The following MAN1C1 variants were observed in gnomAD, a reference collection of about 807,000 sequenced individuals.
MAN1C1 encodes mannosidase alpha class 1C member 1.
MAN1C1 carries 49 observed loss-of-function variants against 71.5 expected under a neutral mutation model. The observed-to-expected ratio is 0.69, with a 90% CI of 0.54 to 0.87. MAN1C1 has a LOEUF of 0.87. Ranked by LOEUF, MAN1C1 falls within the 40% of genes least tolerant of loss-of-function variation. MAN1C1 has a pLI of 0.00. For missense variants in MAN1C1, 743 were observed against 835.0 expected, an observed-to-expected ratio of 0.89 and a Z score of 1.36; for synonymous variants, 352 against 343.7, an observed-to-expected ratio of 1.02 and a Z score of -0.27.
chr1:25,689,689 T>C (rs917877452), intron 2 of MAN1C1, among the ~76,000 whole-genome samples: 1 of 152,164 alleles, frequency 6.6e-6, no homozygotes, highest in Admixed American at 6.5e-5. Context: ...TCTGGACTCA[T>C]GGGGGCTGCT....
intron 4 of MAN1C1, 46 bp downstream of exon 4, chr1:25,749,381 G>C (rs1460496745): frequency 1.0e-5 from 15 of 1,474,162 alleles, no homozygotes; most frequent in Non-Finnish European, 1.4e-5. Context: ...GCTGGAAAGG[G>C]CTTTGGAGAA....
rs546481038 is a variant in MAN1C1, at chr1:25,732,020, C to T, written c.638-14648C>T. On this transcript the variant is annotated intron_variant, in intron 2 of 11. Coordinates refer to ENST00000374332, the MANE Select transcript of MAN1C1 (RefSeq NM_020379.4). The stretch of plus-strand genomic sequence containing the variant: ...TCAGAGAAAAAGACCAACTCAGACC[C>T]TCCTATGAGTGAGCCTGGGCCAGGG... 5.0e-4 allele frequency among the ~76,000 whole-genome samples: 76 copies of T among 152,296 alleles called. No homozygotes were observed. In the Middle Eastern group the frequency reaches 0.034, roughly 68 times the overall value.
At chr1:25,624,371 G>C (rs1165843283) in intron 1 of MAN1C1, among the ~76,000 whole-genome samples, 2 of 151,818 alleles carry the variant, frequency 1.3e-5, no homozygotes, top group African/African-American at 4.9e-5. Flanking sequence ...AGAGACCACA[G>C]CCTCAGTGTG....
intron 1 of MAN1C1, among the ~76,000 whole-genome samples, chr1:25,639,516 C>T (rs1380990916): frequency 1.3e-5 from 2 of 152,158 alleles, no homozygotes; most frequent in Non-Finnish European, 2.9e-5. Context: ...TCAGCTGTTA[C>T]TTCTTGTAGC....
intron 5 of MAN1C1, among the ~76,000 whole-genome samples, chr1:25,757,245 A>C (rs2047298680): frequency 6.6e-6 from 1 of 152,012 alleles, no homozygotes. Flanking sequence ...GTGGAGATGG[A>C]GGGGCAGACA....
chr1:25,689,570 G>T (rs1457877525), intron 2 of MAN1C1, among the ~76,000 whole-genome samples: 1 of 152,188 alleles, frequency 6.6e-6, no homozygotes, highest in African/African-American at 2.4e-5. Flanking sequence ...CTTGGAGCCT[G>T]AGAGGGGTTC....
At chr1:25,639,985 C>G (rs1283063934) in intron 1 of MAN1C1, among the ~76,000 whole-genome samples, 2 of 152,208 alleles carry the variant, frequency 1.3e-5, no homozygotes, top group African/African-American at 4.8e-5. Context: ...CAAATATTTT[C>G]TCTGGGCTTT....
At chr1:25,763,444 G>A (rs564203532) in intron 6 of MAN1C1, among the ~76,000 whole-genome samples, 71 of 140,304 alleles carry the variant, frequency 5.1e-4, no homozygotes, top group Non-Finnish European at 8.2e-4. Flanking sequence ...AGCCAAGATC[G>A]TGCCACTGCA....
At chr1:25,627,397 C>T (rs2045313942) in intron 1 of MAN1C1, among the ~76,000 whole-genome samples, 1 of 152,182 alleles carries the variant, frequency 6.6e-6, no homozygotes, top group Non-Finnish European at 1.5e-5. Context: ...GCCTCAGCCT[C>T]CCAAGTAGCT....
At chr1:25,685,270 C>T (rs531112096) in intron 1 of MAN1C1, among the ~76,000 whole-genome samples, 5 of 152,330 alleles carry the variant, frequency 3.3e-5, no homozygotes, top group Middle Eastern at 3.4e-3. Context: ...ACAGAGATAG[C>T]GGCAGAGGTG....
At chr1:25,721,481 A>T (rs2744763) in intron 2 of MAN1C1, among the ~76,000 whole-genome samples, 24,917 of 152,170 alleles carry the variant, frequency 0.16, 2,569 homozygotes, top group African/African-American at 0.29. Flanking sequence ...TATAGTTTAG[A>T]GTATACAAAT....
intron 2 of MAN1C1, among the ~76,000 whole-genome samples, chr1:25,739,131 T>C (rs1376629860): frequency 6.6e-6 from 1 of 152,094 alleles, no homozygotes; most frequent in African/African-American, 2.4e-5. Flanking sequence ...AGAGACCCTG[T>C]CTCAAAAAAA....
intron 1 of MAN1C1, among the ~76,000 whole-genome samples, chr1:25,643,253 A>AATTT (rs71014379): frequency 0.17 from 25,317 of 148,792 alleles, 2,288 homozygotes; most frequent in East Asian, 0.32. Context: ...TTAATTAATT[A>AATTT]ATTTATTTAC....
intron 1 of MAN1C1, among the ~76,000 whole-genome samples, chr1:25,633,522 T>C (rs1189046257): frequency 6.9e-6 from 1 of 145,234 alleles, no homozygotes; most frequent in East Asian, 2.0e-4. Flanking sequence ...CATTATGTAA[T>C]GACCTTGTTT....
chr1:25,749,318 T>C lies in MAN1C1; in HGVS notation c.817T>C (p.Tyr273His), dbSNP rs1288548758. ...CATCGGGGGACTCCTCTCAGCCTTC[T>C]ACCTGACAGGAGAAGAGGTGGGTTG... is the stretch of plus-strand genomic sequence containing the variant. ...RYIGGLLSAF[Y>H]LTGEEVFRIK... Residue 273 changes from tyrosine (Y) to histidine (H), a missense_variant, in exon 4 of 12, where the codon TAC (tyrosine) becomes CAC (histidine). By Grantham distance (83) the Tyr-to-His change is moderately conservative (BLOSUM62 2). Transcript: ENST00000374332. 3 of 1,611,520 alleles carry C rather than the reference T, an allele frequency of 1.9e-6. No homozygotes were observed. Among genetic ancestry groups the C allele is most frequent in the Non-Finnish European group, 2.5e-6 (3 of 1,178,730 alleles).
At chr1:25,687,619 C>A in intron 2 of MAN1C1, among the ~76,000 whole-genome samples, 1 of 152,186 alleles carries the variant, frequency 6.6e-6, no homozygotes, top group East Asian at 1.9e-4. Context: ...CCATCGTGTG[C>A]AGCCCTATCA....
intron 1 of MAN1C1, among the ~76,000 whole-genome samples, chr1:25,681,236 A>AG (rs1030813586): frequency 3.3e-5 from 5 of 151,968 alleles, no homozygotes; most frequent in Admixed American, 2.6e-4. Flanking sequence ...CAAAAAAAAA[A>AG]AAAAGAAAAG....
chr1:25,655,153 G>A (rs149398138), intron 1 of MAN1C1, among the ~76,000 whole-genome samples: 2 of 152,232 alleles, frequency 1.3e-5, no homozygotes, highest in African/African-American at 2.4e-5. Context: ...CCAGAGATCC[G>A]GACTAAGTAA....
chr1:25,680,347 G>C (rs1232998489), intron 1 of MAN1C1, among the ~76,000 whole-genome samples: 1 of 152,272 alleles, frequency 6.6e-6, no homozygotes, highest in South Asian at 2.1e-4. Flanking sequence ...ACACGTGTGA[G>C]CCACCATGCC....
Sources: gnomAD v4.1 joint callset for allele counts (sites outside exome capture counted in the v4.1 genomes callset) on GRCh38, gnomAD v4.1.1 for gene constraint, MANE v1.5 for transcripts, NCBI Gene and HGNC (gene_info 2026-07-23, HGNC 2026-07-21) for gene names.